The following VCF1 variants were observed in gnomAD, a reference collection of about 807,000 sequenced individuals.
VCF1 encodes VCP nuclear cofactor family member 1, also known as protein VCF1.
chr17:73,214,227 T>C, the VCF1 span, among the ~76,000 whole-genome samples: 2 of 151,836 alleles, frequency 1.3e-5, no homozygotes, highest in African/African-American at 4.8e-5. Flanking sequence ...CTGTGGAGGC[T>C]TAGGGAGTGT....
At chr17:73,231,757 A>C in the VCF1 span, among the ~76,000 whole-genome samples, 69 of 128,438 alleles carry the variant, frequency 5.4e-4, no homozygotes, top group South Asian at 1.4e-3. Flanking sequence ...CCATCCCCCC[A>C]CCCTCCTAAA....
the VCF1 span, chr17:73,227,674 A>T: frequency 8.1e-6 from 8 of 985,990 alleles, no homozygotes; most frequent in Non-Finnish European, 8.4e-6. Flanking sequence ...ATTTGATATA[A>T]GAGTGGCTGC....
chr17:73,230,849 T>C, the VCF1 span, among the ~76,000 whole-genome samples: 2 of 152,264 alleles, frequency 1.3e-5, no homozygotes, highest in African/African-American at 4.8e-5. Context: ...CTACTGCCAG[T>C]ATAAATGCAT....
At chr17:73,224,192 T>C in the VCF1 span, among the ~76,000 whole-genome samples, 1 of 124,090 alleles carries the variant, frequency 8.1e-6, no homozygotes, top group Non-Finnish European at 1.6e-5. Flanking sequence ...TTGGGGAGGC[T>C]GAGGTGGGAG....
At chr17:73,227,899 A>AT in the VCF1 span, among the ~76,000 whole-genome samples, 2 of 152,186 alleles carry the variant, frequency 1.3e-5, no homozygotes, top group Non-Finnish European at 2.9e-5. Flanking sequence ...GAAAGACCAA[A>AT]TTTGCATGTA....
At chr17:73,232,078 C>CCT in the VCF1 span, 1 of 1,597,200 alleles carries the variant, frequency 6.3e-7, no homozygotes, top group South Asian at 1.1e-5. Flanking sequence ...GGGTCCCTTC[C>CCT]CTCTCACCTG....
At chr17:73,211,758 G>C in the VCF1 span, among the ~76,000 whole-genome samples, 4 of 152,038 alleles carry the variant, frequency 2.6e-5, no homozygotes, top group Non-Finnish European at 5.9e-5. Context: ...TACTAGGGAG[G>C]CTGAGGCAAG....
the VCF1 span, chr17:73,232,141 C>T: frequency 6.2e-7 from 1 of 1,610,256 alleles, no homozygotes; most frequent in Middle Eastern, 1.7e-4. Context: ...CGCGGCGCCG[C>T]TCCGCGAAGA....
the VCF1 span, among the ~76,000 whole-genome samples, chr17:73,225,900 T>TATATATA: frequency 2.6e-4 from 20 of 77,862 alleles, no homozygotes; most frequent in South Asian, 1.7e-3. Flanking sequence ...TATATATATA[T>TATATATA]TTTTTTTTTT....
the VCF1 span, chr17:73,227,225 A>T: frequency 6.3e-7 from 1 of 1,582,652 alleles, no homozygotes; most frequent in Non-Finnish European, 8.6e-7. Context: ...TCTGGGGGGG[A>T]AGATGGTTGT....
chr17:73,218,991 G>A, the VCF1 span, among the ~76,000 whole-genome samples: 1 of 151,876 alleles, frequency 6.6e-6, no homozygotes, highest in Non-Finnish European at 1.5e-5. Context: ...CTGCACTATG[G>A]CCTGGATGGC....
the VCF1 span, chr17:73,232,236 G>A: frequency 6.2e-7 from 1 of 1,611,878 alleles, no homozygotes; most frequent in Non-Finnish European, 8.5e-7. Flanking sequence ...GGTGGACGCA[G>A]CCGGTGGCGA....
the VCF1 span, among the ~76,000 whole-genome samples, chr17:73,231,418 G>C: frequency 1.3e-5 from 2 of 152,124 alleles, no homozygotes; most frequent in African/African-American, 4.8e-5. Context: ...CCCGCGTCCC[G>C]AGGCCAGGCT....
the VCF1 span, among the ~76,000 whole-genome samples, chr17:73,219,848 G>A: frequency 1.3e-5 from 2 of 151,682 alleles, no homozygotes; most frequent in Non-Finnish European, 2.9e-5. Context: ...GGCAGTGCGC[G>A]CCTGTAGTCC....
the VCF1 span, chr17:73,207,653 G>T: frequency 7.8e-7 from 1 of 1,287,562 alleles, no homozygotes; most frequent in Non-Finnish European, 1.0e-6. Flanking sequence ...CAGAAAATTT[G>T]TTTCCCCAAA....
chr17:73,232,257 G>T, the VCF1 span: 132 of 1,611,042 alleles, frequency 8.2e-5, no homozygotes, highest in Non-Finnish European at 1.1e-4. Flanking sequence ...GTACCCCTCA[G>T]TCGGACCCGT....
the VCF1 span, among the ~76,000 whole-genome samples, chr17:73,226,206 A>T: frequency 5.8e-4 from 89 of 152,184 alleles, 1 homozygote; most frequent in African/African-American, 1.6e-3. Context: ...CGGCCAGGAA[A>T]ATATTTGAAG....
the VCF1 span, among the ~76,000 whole-genome samples, chr17:73,224,885 C>G: frequency 0.011 from 1,425 of 124,598 alleles, 57 homozygotes; most frequent in African/African-American, 0.017. Context: ...GACAGCACAG[C>G]ACAGGACAGG....
At chr17:73,215,236 C>T in the VCF1 span, among the ~76,000 whole-genome samples, 1 of 152,192 alleles carries the variant, frequency 6.6e-6, no homozygotes, top group South Asian at 2.1e-4. Context: ...CTGGGTAAGA[C>T]CCAGAAGAGA....
Sources: allele counts gnomAD v4.1 joint callset (sites outside exome capture counted in the v4.1 genomes callset), GRCh38; gene constraint gnomAD v4.1.1; transcripts MANE v1.5; gene names NCBI Gene and HGNC (gene_info 2026-07-23, HGNC 2026-07-21).